DMD: variants seen among roughly 807,000 people sequenced by gnomAD.
The protein encoded by DMD is mutant dystrophin.
Under a neutral mutation model 330.1 loss-of-function variants are expected in DMD, and 63 were observed. The ratio of observed to expected loss-of-function variants is 0.19; its 90% CI spans 0.16 to 0.24. The LOEUF (loss-of-function observed/expected upper bound fraction) is 0.24. DMD is among the 10% of genes least tolerant of loss of function. The probability of loss-of-function intolerance (pLI) is 1.00; values close to 1 mark genes in which losing one functional copy is unlikely to be tolerated. For synonymous variants in DMD, 1,223 were observed against 959.8 expected (o/e 1.27, Z -5.07); for missense variants, 3,344 against 2,684.1 (o/e 1.25, Z -5.43).
intron 7 of DMD, among the ~76,000 whole-genome samples, chrX:32,751,638 T>C (rs547754946): frequency 8.9e-6 from 1 of 112,552 alleles, no homozygotes; most frequent in East Asian, 2.8e-4. Context: ...CTGCAGAAAT[T>C]TGTATAAGTA....
intron 2 of DMD, among the ~76,000 whole-genome samples, chrX:32,993,507 G>T (rs2093034945): frequency 9.1e-6 from 1 of 109,568 alleles, no homozygotes; most frequent in Admixed American, 9.8e-5. Context: ...GGAGGCTGTG[G>T]CAGGAGAATT....
chrX:32,002,989 T>C (rs1229136087), intron 44 of DMD, among the ~76,000 whole-genome samples: 6 of 111,613 alleles, frequency 5.4e-5, no homozygotes, highest in Non-Finnish European at 1.1e-4. Flanking sequence ...GATCCATAGT[T>C]TGGAAGTTAA....
At chrX:31,523,578 C>T (rs548498173) in intron 55 of DMD, among the ~76,000 whole-genome samples, 65 of 112,371 alleles carry the variant, frequency 5.8e-4, no homozygotes, top group African/African-American at 2.1e-3. Flanking sequence ...TCATTTCACT[C>T]TAACCACATT....
chrX:32,664,759 G>T (rs140870527), intron 9 of DMD, among the ~76,000 whole-genome samples: 1,147 of 111,915 alleles, frequency 0.01, 16 homozygotes, highest in African/African-American at 0.036. Flanking sequence ...GTGTATCTAA[G>T]TTTGGAGTTT....
intron 78 of DMD, among the ~76,000 whole-genome samples, chrX:31,123,843 A>AT (rs958828844): frequency 3.2e-4 from 36 of 111,162 alleles, no homozygotes; most frequent in Non-Finnish European, 5.1e-4. Context: ...GAGAAAACTC[A>AT]TTTTTTTTCC....
At chrX:31,749,697 T>C (rs1435421507) in intron 51 of DMD, among the ~76,000 whole-genome samples, 2 of 106,749 alleles carry the variant, frequency 1.9e-5, no homozygotes, top group African/African-American at 6.8e-5. Context: ...TTTCTAGTTC[T>C]AGATCCCTGA....
intron 66 of DMD, among the ~76,000 whole-genome samples, chrX:31,204,526 T>C (rs914288372): frequency 2.7e-5 from 3 of 112,516 alleles, no homozygotes; most frequent in African/African-American, 9.7e-5. Context: ...GATTCAAAAA[T>C]GTACCACAGT....
chrX:31,814,596 A>C (rs1374187854), intron 50 of DMD, among the ~76,000 whole-genome samples: 1 of 110,385 alleles, frequency 9.1e-6, no homozygotes, highest in Non-Finnish European at 1.9e-5. Flanking sequence ...GAGACATTTG[A>C]ATCAAATATC....
In DMD at chrX:32,925,151, T is replaced by G. The variant is rs1319354456; in HGVS notation, c.94-75331A>C. ...GGTTTTTCAAAAACTCTGGGTTTTT[T>G]TTTTTTTTTTTTTTTTTTTTTTTAG... On this transcript the variant is annotated intron_variant, in intron 2 of 78. Coordinates refer to ENST00000357033, the MANE Select transcript of DMD (RefSeq NM_004006.3). Among the ~76,000 whole-genome samples the G allele has an allele frequency of 3.9e-4, 33 of 85,573 alleles. No individual in the cohort carries two copies. In the East Asian group the frequency reaches 6.6e-3, roughly 17 times the overall value. The allele number at this position is 85,573 out of a possible 115,157, so 74.3% of individuals were successfully genotyped here. A position where few individuals can be genotyped will look rare whatever the true frequency, so the allele number is the denominator to read the frequency against.
At chrX:32,252,876 A>AT (rs2148199187) in intron 43 of DMD, among the ~76,000 whole-genome samples, 2 of 79,018 alleles carry the variant, frequency 2.5e-5, no homozygotes, top group South Asian at 5.7e-4. Flanking sequence ...ATAAATATAT[A>AT]AAAATATATA....
chrX:31,503,087 T>C (rs2070575811), intron 56 of DMD, among the ~76,000 whole-genome samples: 2 of 112,228 alleles, frequency 1.8e-5, no homozygotes, highest in African/African-American at 3.2e-5. Context: ...TGTGGAATGA[T>C]AGCATATACT....
intron 44 of DMD, among the ~76,000 whole-genome samples, chrX:32,189,797 A>G (rs769573319): frequency 2.7e-5 from 3 of 111,240 alleles, no homozygotes; most frequent in Non-Finnish European, 5.7e-5. Flanking sequence ...TTTGACCCCA[A>G]AAGCCTAACT....
intron 53 of DMD, among the ~76,000 whole-genome samples, chrX:31,660,861 C>T (rs1037103579): frequency 8.1e-5 from 9 of 111,224 alleles, no homozygotes; most frequent in Non-Finnish European, 1.7e-4. Flanking sequence ...TGTTCTAGCC[C>T]ATATAATTTT....
chrX:33,008,645 TTTTTTTCTAACC>T (rs2093445958), intron 2 of DMD, among the ~76,000 whole-genome samples: 1 of 109,178 alleles, frequency 9.2e-6, no homozygotes, highest in Admixed American at 9.9e-5. Flanking sequence ...CAACGAACTG[TTTTTTTCTAACC>T]TTTGAACACA....
At chrX:32,734,897 G>A (rs1406929196) in intron 7 of DMD, among the ~76,000 whole-genome samples, 1 of 104,311 alleles carries the variant, frequency 9.6e-6, no homozygotes, top group Non-Finnish European at 1.9e-5. Flanking sequence ...TCAACATAGT[G>A]TTGGAAGTTC....
At chrX:32,992,356 C>T (rs2092998743) in intron 2 of DMD, among the ~76,000 whole-genome samples, 1 of 111,756 alleles carries the variant, frequency 8.9e-6, no homozygotes, top group Admixed American at 9.5e-5. Flanking sequence ...TCCTCATGTA[C>T]CTGGAAATGA....
At chrX:32,705,230 CTTAA>C (rs958497034) in intron 7 of DMD, among the ~76,000 whole-genome samples, 66 of 111,552 alleles carry the variant, frequency 5.9e-4, no homozygotes, top group African/African-American at 2.2e-3. Context: ...TTAAGTACTC[CTTAA>C]TTAATCCATT....
intron 16 of DMD, among the ~76,000 whole-genome samples, chrX:32,561,306 A>G (rs759996509): frequency 5.4e-5 from 6 of 111,275 alleles, no homozygotes; most frequent in Non-Finnish European, 1.1e-4. Flanking sequence ...TTTACAGAGG[A>G]ACATGAATGA....
At chrX:31,728,667 C>T (rs1224598958) in intron 52 of DMD, among the ~76,000 whole-genome samples, 1 of 111,160 alleles carries the variant, frequency 9.0e-6, no homozygotes, top group African/African-American at 3.3e-5. Flanking sequence ...TCATGGTTTC[C>T]GAGTTTGAAA....
Sources: gnomAD v4.1 joint callset for allele counts (sites outside exome capture counted in the v4.1 genomes callset) on GRCh38, gnomAD v4.1.1 for gene constraint, MANE v1.5 for transcripts, NCBI Gene and HGNC (gene_info 2026-07-23, HGNC 2026-07-21) for gene names.